Variants in WARS2 observed in about 807,000 individuals in gnomAD.
The protein encoded by WARS2 is tryptophan--tRNA ligase, mitochondrial.
Under a neutral mutation model 36.5 loss-of-function variants are expected in WARS2, and 28 were observed. That is an observed-to-expected ratio of 0.77 (90% CI 0.57 to 1.05). WARS2 has a LOEUF of 1.05. WARS2 is among the 50% of genes least tolerant of loss of function. WARS2 has a pLI of 0.00. For synonymous variants in WARS2, 174 were observed against 178.4 expected (o/e 0.98, Z 0.20); for missense variants, 435 against 456.8 (o/e 0.95, Z 0.44).
rs587605495 is a variant in WARS2 at position 119,085,745 on chromosome 1, G to A, written c.91-9138C>T. 15 of 1,580,076 alleles carry A rather than the reference G, an allele frequency of 9.5e-6. No homozygotes were observed. The South Asian group carries it at 1.3e-4, about 14-fold the overall frequency. On this transcript the variant is annotated intron_variant, in intron 1 of 5. Coordinates refer to ENST00000235521, the MANE Select transcript of WARS2 (RefSeq NM_015836.4). Reference sequence around the variant, plus strand: ...ATCCTTTGGATTTCCCAGTCTTCTTGTCCCACATGAGATTAATGTTAACAA... The same window carrying A: ...ATCCTTTGGATTTCCCAGTCTTCTTATCCCACATGAGATTAATGTTAACAA...
Position 119,034,179 on chromosome 1 carries a change from G to A in WARS2, c.550C>T (p.Gln184Ter). ...AGATCCTGAACTAGTTCCATGTGCT[G>A]GACTTGATCCTCCCCAACAGGAACG... ...THVPVGEDQV[Q>*]HMELVQDLAQ... The change falls in exon 5 of 6, where the codon CAG becomes TAG. Residue 184 changes from glutamine (Q) to a stop codon, truncating the protein, a stop_gained. Transcript: ENST00000235521. LOFTEE classifies it high-confidence loss of function. 1 of 1,613,992 alleles carries A rather than the reference G, an allele frequency of 6.2e-7. No homozygotes were observed. Among genetic ancestry groups the A allele is most frequent in the Non-Finnish European group, 8.5e-7 (1 of 1,179,920 alleles).
chr1:119,096,603 T>C (rs1216281949), intron 1 of WARS2, among the ~76,000 whole-genome samples: 1 of 152,202 alleles, frequency 6.6e-6, no homozygotes, highest in South Asian at 2.1e-4. Flanking sequence ...AATTTACTTA[T>C]GAGTTTTTGA....
At chr1:119,125,303 T>G (rs1002890380) in intron 1 of WARS2, among the ~76,000 whole-genome samples, 1 of 152,180 alleles carries the variant, frequency 6.6e-6, no homozygotes, top group Admixed American at 6.6e-5. Flanking sequence ...GGTCCTCTGC[T>G]GACCACCTAA....
intron 2 of WARS2, among the ~76,000 whole-genome samples, chr1:119,056,658 T>C (rs1386767123): frequency 2.0e-5 from 3 of 151,388 alleles, no homozygotes; most frequent in Non-Finnish European, 4.4e-5. Flanking sequence ...GACAAATCTA[T>C]ACACCAATCA....
chr1:119,089,870 C>G (rs1293190970), intron 1 of WARS2, among the ~76,000 whole-genome samples: 1 of 152,124 alleles, frequency 6.6e-6, no homozygotes, highest in Non-Finnish European at 1.5e-5. Context: ...CAAACTAACC[C>G]AGGAACAGAA....
At chr1:119,055,313 G>C (rs1262324604) in intron 2 of WARS2, among the ~76,000 whole-genome samples, 1 of 152,006 alleles carries the variant, frequency 6.6e-6, no homozygotes, top group Non-Finnish European at 1.5e-5. Flanking sequence ...GAAATGGCTA[G>C]AAAAAAATCT....
rs148458100 is a variant in WARS2 at position 119,049,564 on chromosome 1, T to C, written c.349-3902A>G. On this transcript the variant is annotated intron_variant, in intron 2 of 5. Transcript: ENST00000235521. Reference sequence around the variant, plus strand: ...TGACCTCCAGACTCATATATCCAGCTACCTATTCAGCCTCTCTATCTGGAT... The same window carrying C: ...TGACCTCCAGACTCATATATCCAGCCACCTATTCAGCCTCTCTATCTGGAT... 3.2e-4 allele frequency among the ~76,000 whole-genome samples: 48 copies of C among 152,328 alleles called. No individual in the cohort carries two copies. The East Asian group carries it at 5.2e-3, about 17-fold the overall frequency.
chr1:119,039,025 G>A (rs577711764), intron 4 of WARS2, among the ~76,000 whole-genome samples: 3 of 152,218 alleles, frequency 2.0e-5, no homozygotes, highest in African/African-American at 4.8e-5. Context: ...TCAGATTCTT[G>A]AGAAAGATAA....
chr1:119,130,778 C>A (rs1040879957), intron 1 of WARS2, among the ~76,000 whole-genome samples: 4 of 151,968 alleles, frequency 2.6e-5, no homozygotes, highest in African/African-American at 9.7e-5. Context: ...AGTTATTATG[C>A]CAAAGATTTA....
In WARS2 at chr1:119,095,490, C is replaced by T. The variant is rs1397537148; in HGVS notation, c.91-18883G>A. 2.0e-5 allele frequency among the ~76,000 whole-genome samples: 3 copies of T among 152,066 alleles called. No individual in the cohort carries two copies. In the East Asian group the frequency reaches 5.8e-4, roughly 29 times the overall value. On this transcript the variant is annotated intron_variant, in intron 1 of 5. Transcript: ENST00000235521. ...CCATGCTGGAGTGCAGTGGCGATCT[C>T]GGCTCACTGCAACCTCCACACTGCC...
chr1:119,078,847 T>C (rs1219938988), intron 1 of WARS2, among the ~76,000 whole-genome samples: 1 of 152,106 alleles, frequency 6.6e-6, no homozygotes, highest in African/African-American at 2.4e-5. Context: ...GATAACAGAT[T>C]ATTGTATCAT....
At chr1:119,089,601 G>A (rs1048327212) in intron 1 of WARS2, among the ~76,000 whole-genome samples, 1 of 152,170 alleles carries the variant, frequency 6.6e-6, no homozygotes, top group African/African-American at 2.4e-5. Flanking sequence ...CCCTGGCACA[G>A]AATAAGCTCT....
intron 2 of WARS2, among the ~76,000 whole-genome samples, chr1:119,065,871 C>G (rs1650800848): frequency 6.6e-6 from 1 of 152,106 alleles, no homozygotes; most frequent in Non-Finnish European, 1.5e-5. Context: ...ATGCGTTAGA[C>G]AGCTTCCAAT....
intron 2 of WARS2, among the ~76,000 whole-genome samples, chr1:119,059,459 A>G (rs1650189653): frequency 6.6e-6 from 1 of 152,100 alleles, no homozygotes; most frequent in Non-Finnish European, 1.5e-5. Context: ...TAAGTCTTTA[A>G]TCCATCTTGA....
chr1:119,033,163 C>A lies in WARS2; in HGVS notation c.831G>T (p.Ala277=). The change falls in exon 6 of 6, where the codon GCG becomes GCT. Residue 277 remains alanine, a synonymous_variant. Coordinates refer to ENST00000235521, the MANE Select transcript of WARS2 (RefSeq NM_015836.4). ...AGAGCCCCGTCACCGCGGCATGCAC[C>A]GCCACTATGTTGGACACGCCAGCGC... ...AGRAGVSNIV[A]VHAAVTGLSV... 1 of 1,614,164 alleles carries A rather than the reference C, an allele frequency of 6.2e-7. No individual in the cohort carries two copies. The highest frequency in any genetic ancestry group is 8.5e-7 in the Non-Finnish European group (1 of 1,180,044).
intron 4 of WARS2, among the ~76,000 whole-genome samples, chr1:119,040,207 C>A (rs1571258239): frequency 6.6e-6 from 1 of 152,268 alleles, no homozygotes; most frequent in East Asian, 1.9e-4. Context: ...TAGTCTTGCC[C>A]AGATGTTCCA....
At chr1:119,118,236 C>T (rs921033041) in intron 1 of WARS2, among the ~76,000 whole-genome samples, 1 of 151,884 alleles carries the variant, frequency 6.6e-6, no homozygotes, top group African/African-American at 2.4e-5. Context: ...AAAGAAAAGA[C>T]TATCACAACT....
intron 1 of WARS2, among the ~76,000 whole-genome samples, chr1:119,076,946 C>T (rs891577453): frequency 2.0e-5 from 3 of 151,796 alleles, no homozygotes; most frequent in African/African-American, 7.3e-5. Context: ...TTGGGACCAG[C>T]CTGGCCAACA....
intron 2 of WARS2, among the ~76,000 whole-genome samples, chr1:119,053,259 AG>A (rs1417996530): frequency 1.3e-5 from 2 of 152,184 alleles, no homozygotes; most frequent in Non-Finnish European, 2.9e-5. Flanking sequence ...GAAAGAGGAG[AG>A]GAAGAAAGAG....
Sources: allele counts gnomAD v4.1 joint callset (sites outside exome capture counted in the v4.1 genomes callset), GRCh38; gene constraint gnomAD v4.1.1; transcripts MANE v1.5; gene names NCBI Gene and HGNC (gene_info 2026-07-23, HGNC 2026-07-21).